The following SH3GLB1 variants were observed in gnomAD, a reference collection of about 807,000 sequenced individuals.
SH3GLB1 encodes the protein endophilin-B1.
SH3GLB1 carries 17 observed loss-of-function variants against 42.0 expected under a neutral mutation model. The ratio of observed to expected loss-of-function variants is 0.40; its 90% CI spans 0.28 to 0.61. SH3GLB1 has a LOEUF of 0.61. Among genes scored for constraint, SH3GLB1 ranks in the 20% least tolerant of loss-of-function variants. The probability of loss-of-function intolerance (pLI) is 0.36; values close to 1 mark genes in which losing one functional copy is unlikely to be tolerated. For missense variants in SH3GLB1, 355 were observed against 426.3 expected (o/e 0.83, Z 1.47); for synonymous variants, 132 against 146.6 (o/e 0.90, Z 0.72).
Position 86,724,702 on chromosome 1 carries a change from G to A in SH3GLB1, c.570+297G>A, listed in dbSNP as rs924956991. Among the ~76,000 whole-genome samples the A allele has an allele frequency of 9.9e-5, 15 of 151,166 alleles. No individual in the cohort carries two copies. The South Asian group carries it at 2.3e-3, about 23-fold the overall frequency. ...AGCCTGGGCAACATGGCACAGCCCC[G>A]TCTCTCTACAGAAAGTACAAAAATG... is the stretch of plus-strand genomic sequence containing the variant. On this transcript the variant is annotated intron_variant, in intron 5 of 8. Transcript: ENST00000370558.
rs1422682872 is a variant in SH3GLB1 at position 86,746,414 on chromosome 1, G to A, written c.*3179G>A. 6.6e-6 allele frequency: 1 copy of A among 152,168 alleles called. No homozygotes were observed. The highest frequency in any genetic ancestry group is 6.6e-5 in the Admixed American group (1 of 15,266). The allele number at this position is 152,168 out of a possible 1,614,324, so 9.4% of individuals were successfully genotyped here. A position where few individuals can be genotyped will look rare whatever the true frequency, so the allele number is the denominator to read the frequency against. ...ATTTAGCACTTTAAGCTTCAGTGAG[G>A]TGCTGTAATGGAGAGATAGCTTCAT... On this transcript the variant is annotated 3_prime_UTR_variant, in exon 9 of 9. Coordinates refer to ENST00000370558, the MANE Select transcript of SH3GLB1 (RefSeq NM_016009.5).
At chr1:86,738,691 G>A (rs1277669049) in intron 7 of SH3GLB1, 1 of 152,492 alleles carries the variant, frequency 6.6e-6, no homozygotes, top group East Asian at 1.9e-4. Context: ...AGTCCAAGGT[G>A]GAGTACAATG....
intron 5 of SH3GLB1, among the ~76,000 whole-genome samples, chr1:86,731,905 C>T (rs1655529994): frequency 6.6e-6 from 1 of 151,970 alleles, no homozygotes; most frequent in Non-Finnish European, 1.5e-5. Flanking sequence ...CATGGTGAAA[C>T]CCTGTCTCTA....
chr1:86,736,901 T>A (rs1655807161), intron 7 of SH3GLB1, among the ~76,000 whole-genome samples: 1 of 152,214 alleles, frequency 6.6e-6, no homozygotes, highest in East Asian at 1.9e-4. Flanking sequence ...TGACAAATCA[T>A]CCAGCTTCAC....
intron 6 of SH3GLB1, 33 bp from the exon 7 acceptor site, chr1:86,735,046 C>G (rs263483): frequency 0.39 from 596,743 of 1,522,420 alleles, 124,596 homozygotes; most frequent in African/African-American, 0.71. Context: ...GTTGACTATA[C>G]AGCTAAGAAC....
Position 86,744,157 on chromosome 1 carries a change from AATTT to A in SH3GLB1, c.*926_*929del, listed in dbSNP as rs1656191882. ...CTGAGCTTACTATTAAAACATTGAA[AATTT>A]ATTAATGAACACAGGCTATCTTGAT... is the stretch of plus-strand genomic sequence containing the variant. On this transcript the variant is annotated 3_prime_UTR_variant, in exon 9 of 9. Transcript: ENST00000370558. 6.6e-6 allele frequency: 1 copy of A among 152,182 alleles called. No individual in the cohort carries two copies. The highest frequency in any genetic ancestry group is 2.4e-5 in the African/African-American group (1 of 41,450). 9.4% of individuals were successfully genotyped at this position (152,182 alleles called of 1,614,324 possible).
chr1:86,735,169 C>A lies in SH3GLB1; in HGVS notation c.751C>A (p.Gln251Lys). 1 of 1,608,178 alleles carries A rather than the reference C, an allele frequency of 6.2e-7. No homozygotes were observed. The highest frequency in any genetic ancestry group is 8.5e-7 in the Non-Finnish European group (1 of 1,175,074). The change falls in exon 7 of 9, where the codon CAA becomes AAA. Residue 251 changes from glutamine (Q) to lysine (K), a missense_variant. Transcript: ENST00000370558. Reference protein sequence around the residue: ...CYQYMLDLQKQLGSFPSNYLS... With the variant: ...CYQYMLDLQKKLGSFPSNYLS... The stretch of plus-strand genomic sequence containing the variant: ...CCAGTATATGTTGGACCTCCAGAAA[C>A]AACTGGGAAGGTGATAATTTACTTT...
In SH3GLB1 at chr1:86,748,025, T is replaced by G. The variant is rs1233738052; in HGVS notation, c.*4790T>G. The G allele has an allele frequency of 6.6e-6, 1 of 152,154 alleles. No individual in the cohort carries two copies. Among genetic ancestry groups the G allele is most frequent in the African/African-American group, 2.4e-5 (1 of 41,432 alleles). 9.4% of individuals were successfully genotyped at this position (152,154 alleles called of 1,614,324 possible). On this transcript the variant is annotated 3_prime_UTR_variant, in exon 9 of 9. Transcript: ENST00000370558. ...CAAAGTGTACATACTGTTTTGTAAC[T>G]TTTTTTCACTCAACAATACCATGAC...
chr1:86,730,400 CTTG>C (rs1655441794), intron 5 of SH3GLB1: 1 of 982,718 alleles, frequency 1.0e-6, no homozygotes, highest in Non-Finnish European at 1.2e-6. Flanking sequence ...AGGCGAAATG[CTTG>C]TTAATGATTT....
intron 5 of SH3GLB1, among the ~76,000 whole-genome samples, chr1:86,732,675 T>A (rs1306593568): frequency 6.6e-6 from 1 of 152,180 alleles, no homozygotes; most frequent in African/African-American, 2.4e-5. Context: ...TCTTCATGAT[T>A]AAATTTTACT....
intron 4 of SH3GLB1, among the ~76,000 whole-genome samples, chr1:86,723,697 T>A (rs1258986163): frequency 6.6e-6 from 1 of 152,218 alleles, no homozygotes; most frequent in Non-Finnish European, 1.5e-5. Context: ...TCTGTAAGTT[T>A]GAAATTCCAT....
intron 5 of SH3GLB1, chr1:86,728,602 C>A: frequency 3.7e-6 from 2 of 537,104 alleles, no homozygotes; most frequent in Non-Finnish European, 3.2e-6. Context: ...TCTTTAACAA[C>A]AAAAATATAA....
rs1203841826 is a variant in SH3GLB1 at position 86,746,146 on chromosome 1, G to A, written c.*2911G>A. 1 of 152,604 alleles carries A rather than the reference G, an allele frequency of 6.6e-6. No homozygotes were observed. Among genetic ancestry groups the A allele is most frequent in the Non-Finnish European group, 1.5e-5 (1 of 68,036 alleles). The allele number at this position is 152,604 out of a possible 1,614,324, so 9.5% of individuals were successfully genotyped here. On this transcript the variant is annotated 3_prime_UTR_variant, in exon 9 of 9. Coordinates refer to ENST00000370558, the MANE Select transcript of SH3GLB1 (RefSeq NM_016009.5). ...TGAGGCCAGGATCACCAGTGGGGTAGAGTCATCTTCATAGTCTCCTGTTAT... is the reference window on the plus strand; with the variant it reads ...TGAGGCCAGGATCACCAGTGGGGTAAAGTCATCTTCATAGTCTCCTGTTAT...
At chr1:86,728,827 G>T (rs1021695436) in intron 5 of SH3GLB1, among the ~76,000 whole-genome samples, 7 of 152,102 alleles carry the variant, frequency 4.6e-5, no homozygotes, top group African/African-American at 1.7e-4. Context: ...CTTAAAGAAA[G>T]GTGTAAGGTA....
rs570115346 is a variant in SH3GLB1 at position 86,719,995 on chromosome 1, CAAA to C, written c.343+380_343+382del. Among the ~76,000 whole-genome samples the C allele has an allele frequency of 2.8e-3, 174 of 62,408 alleles. 1 individual carries two copies. In the Middle Eastern group the frequency reaches 0.052, roughly 19 times the overall value. The allele number at this position is 62,408 out of a possible 152,430, so 40.9% of individuals were successfully genotyped here. A position where few individuals can be genotyped will look rare whatever the true frequency, so the allele number is the denominator to read the frequency against. On this transcript the variant is annotated intron_variant, in intron 3 of 8. Coordinates refer to ENST00000370558, the MANE Select transcript of SH3GLB1 (RefSeq NM_016009.5). Reference sequence around the variant, plus strand: ...TGGGCCACAGAACGAGACTCTGTCTCAAAAAAAAAAAAAAAAAAAAAACATAGT... The same window carrying C: ...TGGGCCACAGAACGAGACTCTGTCTCAAAAAAAAAAAAAAAAAAACATAGT...
chr1:86,722,661 C>T lies in SH3GLB1; in HGVS notation c.465C>T (p.Tyr155=), dbSNP rs1384086632. Residue 155 remains tyrosine, a synonymous_variant, in exon 4 of 9, where the codon TAC becomes TAT. Transcript: ENST00000370558. ...TPLRNFIEGD[Y]KTIAKERKLL... ...TAAGAAACTTTATAGAAGGAGATTA[C>T]AAAACAATTGCTGTGAGTTGAAAAA... The T allele has an allele frequency of 6.3e-7, 1 of 1,599,952 alleles. No individual in the cohort carries two copies. Among genetic ancestry groups the T allele is most frequent in the East Asian group, 2.2e-5 (1 of 44,490 alleles).
At chr1:86,711,380 G>C (rs932352499) in intron 1 of SH3GLB1, among the ~76,000 whole-genome samples, 5 of 152,016 alleles carry the variant, frequency 3.3e-5, no homozygotes, top group Non-Finnish European at 7.4e-5. Context: ...GCAATATTTA[G>C]AGAAAATATA....
At chr1:86,712,063 C>T (rs1398669713) in intron 1 of SH3GLB1, among the ~76,000 whole-genome samples, 1 of 151,806 alleles carries the variant, frequency 6.6e-6, no homozygotes, top group African/African-American at 2.4e-5. Flanking sequence ...TTTGCTTCCA[C>T]CAATGATAAA....
chr1:86,722,320 A>G (rs1654912906), intron 3 of SH3GLB1, among the ~76,000 whole-genome samples: 1 of 152,178 alleles, frequency 6.6e-6, no homozygotes, highest in Non-Finnish European at 1.5e-5. Context: ...TATCTATGCT[A>G]CAATAGGAAG....
Sources: allele counts gnomAD v4.1 joint callset (sites outside exome capture counted in the v4.1 genomes callset), GRCh38; gene constraint gnomAD v4.1.1; transcripts MANE v1.5; gene names NCBI Gene and HGNC (gene_info 2026-07-23, HGNC 2026-07-21).